The following MAN1C1 variants were observed in gnomAD, a reference collection of about 807,000 sequenced individuals.
The protein encoded by MAN1C1 is mannosyl-oligosaccharide 1,2-alpha-mannosidase IC.
A neutral mutation model predicts 71.5 loss-of-function variants in MAN1C1; 49 were observed. The ratio of observed to expected loss-of-function variants is 0.69; its 90% CI spans 0.54 to 0.87. The LOEUF (loss-of-function observed/expected upper bound fraction) is 0.87. Among genes scored for constraint, MAN1C1 ranks in the 40% least tolerant of loss-of-function variants. The probability of loss-of-function intolerance (pLI) is 0.00; values close to 1 mark genes in which losing one functional copy is unlikely to be tolerated. For synonymous variants in MAN1C1, 352 were observed against 343.7 expected, an observed-to-expected ratio of 1.02 and a Z score of -0.27; for missense variants, 743 against 835.0, an observed-to-expected ratio of 0.89 and a Z score of 1.36.
intron 1 of MAN1C1, among the ~76,000 whole-genome samples, chr1:25,647,578 G>C (rs2045633248): frequency 6.6e-6 from 1 of 152,114 alleles, no homozygotes; most frequent in Non-Finnish European, 1.5e-5. Flanking sequence ...TTCTTACCTG[G>C]GGGTTAGGTT....
chr1:25,752,939 A>C (rs2047235802), intron 4 of MAN1C1, among the ~76,000 whole-genome samples: 1 of 152,230 alleles, frequency 6.6e-6, no homozygotes, highest in South Asian at 2.1e-4. Context: ...CTGGAACCTG[A>C]GGGTGGTCTT....
intron 1 of MAN1C1, among the ~76,000 whole-genome samples, chr1:25,670,364 T>C (rs1052830937): frequency 8.5e-5 from 13 of 152,250 alleles, no homozygotes; most frequent in African/African-American, 3.1e-4. Context: ...CTTAAACCTG[T>C]TTCTTTAAAA....
At chr1:25,752,856 T>C (rs778671463) in intron 4 of MAN1C1, among the ~76,000 whole-genome samples, 14 of 152,194 alleles carry the variant, frequency 9.2e-5, no homozygotes, top group Non-Finnish European at 1.8e-4. Context: ...AGGATCAGGA[T>C]GTCAAAGCGG....
rs2047244081 is a variant in MAN1C1 at position 25,753,490 on chromosome 1, C to T, written c.841C>T (p.Arg281Ter). Residue 281 changes from arginine to a stop codon, truncating the protein, a stop_gained, in exon 5 of 12, where the codon CGA becomes TGA. Transcript: ENST00000374332. LOFTEE classifies it high-confidence loss of function. The surrounding 1 kb of genome is among the most constrained non-coding windows in gnomAD (Gnocchi z 4.9). ...TTGATCCCCTCCTTTACAGGTGTTC[C>T]GAATAAAGGCCATCAGGCTGGGAGA... ...AFYLTGEEVFRIKAIRLGEKL... is the reference protein window; with the variant it reads ...AFYLTGEEVF The T allele has an allele frequency of 3.1e-6, 5 of 1,612,970 alleles. No homozygotes were observed. Among genetic ancestry groups the T allele is most frequent in the South Asian group, 1.1e-5 (1 of 90,968 alleles).
intron 10 of MAN1C1, among the ~76,000 whole-genome samples, chr1:25,781,956 G>A (rs1284035837): frequency 6.6e-6 from 1 of 152,176 alleles, no homozygotes; most frequent in African/African-American, 2.4e-5. Context: ...GGTGACGCAC[G>A]CCTATAGTCC....
intron 4 of MAN1C1, among the ~76,000 whole-genome samples, chr1:25,751,937 T>C (rs2047221603): frequency 6.6e-6 from 1 of 152,142 alleles, no homozygotes. Context: ...GTCCTTGAGC[T>C]CACATGCAGT....
intron 2 of MAN1C1, among the ~76,000 whole-genome samples, chr1:25,689,972 G>A (rs566405576): frequency 3.3e-5 from 5 of 152,324 alleles, no homozygotes; most frequent in Non-Finnish European, 7.3e-5. Context: ...GAGATTTACA[G>A]GAGCTGCAGC....
chr1:25,745,432 A>C (rs2047115321), intron 2 of MAN1C1, among the ~76,000 whole-genome samples: 1 of 152,074 alleles, frequency 6.6e-6, no homozygotes, highest in African/African-American at 2.4e-5. Context: ...ACTCAGAGGT[A>C]GTCAGTGGGT....
chr1:25,783,287 C>G (rs1275173534), intron 11 of MAN1C1, among the ~76,000 whole-genome samples: 1 of 152,188 alleles, frequency 6.6e-6, no homozygotes, highest in Non-Finnish European at 1.5e-5. Flanking sequence ...AATGTGTACT[C>G]TGAATATAGA....
At chr1:25,768,603 T>C (rs1572208295) in intron 7 of MAN1C1, among the ~76,000 whole-genome samples, 5 of 59,850 alleles carry the variant, frequency 8.4e-5, no homozygotes, top group Non-Finnish European at 1.6e-4. Flanking sequence ...CACACTCCCC[T>C]CACATACATC....
intron 2 of MAN1C1, among the ~76,000 whole-genome samples, chr1:25,715,228 G>A (rs1291380637): frequency 6.6e-6 from 1 of 152,122 alleles, no homozygotes; most frequent in Non-Finnish European, 1.5e-5. Flanking sequence ...TGGGCCCATG[G>A]CTCTGCCTAT....
intron 2 of MAN1C1, among the ~76,000 whole-genome samples, chr1:25,702,371 C>T (rs1477496944): frequency 6.6e-6 from 1 of 152,170 alleles, no homozygotes; most frequent in Non-Finnish European, 1.5e-5. Context: ...AAGTGGGTCC[C>T]ACAGTCAGTG....
chr1:25,666,719 C>T (rs535885102), intron 1 of MAN1C1, among the ~76,000 whole-genome samples: 20 of 152,294 alleles, frequency 1.3e-4, no homozygotes, highest in Admixed American at 5.2e-4. Context: ...CTCCTTTATA[C>T]AAAACATACG....
chr1:25,775,318 C>T lies in MAN1C1; in HGVS notation c.1258-2787C>T, dbSNP rs2047605317. On this transcript the variant is annotated intron_variant, in intron 8 of 11. Coordinates refer to ENST00000374332, the MANE Select transcript of MAN1C1 (RefSeq NM_020379.4). The surrounding 1 kb of genome is among the most constrained non-coding windows in gnomAD (Gnocchi z 5.1). ...CCGGCTGCTCTGCAGGTGTCCTCAG[C>T]ACTCCCCCATGTGGAGCAGGTGCCC... Among the ~76,000 whole-genome samples the T allele has an allele frequency of 6.6e-6, 1 of 152,248 alleles. No homozygotes were observed. Among genetic ancestry groups the T allele is most frequent in the African/African-American group, 2.4e-5 (1 of 41,474 alleles).
intron 2 of MAN1C1, among the ~76,000 whole-genome samples, chr1:25,695,168 G>A (rs2046354469): frequency 6.6e-6 from 1 of 152,142 alleles, no homozygotes; most frequent in African/African-American, 2.4e-5. Flanking sequence ...GCAGGCCGCG[G>A]TGCACATTCC....
intron 6 of MAN1C1, among the ~76,000 whole-genome samples, chr1:25,762,123 TTTTC>T (rs200999090): frequency 0.11 from 14,219 of 124,322 alleles, 950 homozygotes; most frequent in African/African-American, 0.22. Context: ...TTTTCTTTTC[TTTTC>T]TTTTTTTTTT....
intron 2 of MAN1C1, among the ~76,000 whole-genome samples, chr1:25,692,627 AG>A (rs1382088878): frequency 6.6e-6 from 1 of 152,178 alleles, no homozygotes; most frequent in Non-Finnish European, 1.5e-5. Flanking sequence ...GGACTTGCAA[AG>A]TCTTAATCCC....
chr1:25,663,528 C>T (rs909318995), intron 1 of MAN1C1, among the ~76,000 whole-genome samples: 1 of 152,246 alleles, frequency 6.6e-6, no homozygotes, highest in Non-Finnish European at 1.5e-5. Flanking sequence ...TGTGGTCTCT[C>T]TTGCTCCCAA....
intron 8 of MAN1C1, among the ~76,000 whole-genome samples, chr1:25,774,638 C>T (rs1224358651): frequency 6.6e-6 from 1 of 152,186 alleles, no homozygotes; most frequent in Non-Finnish European, 1.5e-5. Context: ...ACCCAGGAAT[C>T]ATTACTCCCA....
Sources: gnomAD v4.1 joint callset for allele counts (sites outside exome capture counted in the v4.1 genomes callset) on GRCh38, gnomAD v4.1.1 for gene constraint, Gnocchi (gnomAD v3.1) non-coding constraint, MANE v1.5 for transcripts, NCBI Gene and HGNC (gene_info 2026-07-23, HGNC 2026-07-21) for gene names.